USP6NL: variants seen among roughly 807,000 people sequenced by gnomAD.
The protein encoded by USP6NL is USP6 N-terminal-like protein.
A neutral mutation model predicts 61.9 loss-of-function variants in USP6NL; 26 were observed. The observed-to-expected ratio is 0.42, with a 90% confidence interval of 0.31 to 0.58. USP6NL has a LOEUF of 0.58. Ranked by LOEUF, USP6NL falls within the 20% of genes least tolerant of loss-of-function variation. The probability of loss-of-function intolerance (pLI) is 0.16; values close to 1 mark genes in which losing one functional copy is unlikely to be tolerated. For synonymous variants in USP6NL, 432 were observed against 390.1 expected (o/e 1.11, Z -1.27); for missense variants, 1,114 against 1,034.3 (o/e 1.08, Z -1.06).
chr10:11,463,936 T>C lies in USP6NL; in HGVS notation c.1079-87A>G. 3 of 1,273,008 alleles carry C rather than the reference T, an allele frequency of 2.4e-6. No homozygotes were observed. Among genetic ancestry groups the C allele is most frequent in the Non-Finnish European group, 3.2e-6 (3 of 938,238 alleles). 78.9% of individuals were successfully genotyped at this position (1,273,008 alleles called of 1,614,324 possible). On this transcript the variant is annotated intron_variant, in intron 14 of 14. Transcript: ENST00000609104. The surrounding 1 kb of genome is among the most constrained non-coding windows in gnomAD (Gnocchi z 6.3). ...AATCCATTAGTAACAATGGCATGCT[T>C]TTCATCTGTGCACAGATACACGCTG...
At chr10:11,531,231 A>C (rs1448717525) in intron 2 of USP6NL, among the ~76,000 whole-genome samples, 2 of 152,244 alleles carry the variant, frequency 1.3e-5, no homozygotes, top group African/African-American at 4.8e-5. Flanking sequence ...TTAAAGAGTA[A>C]TCAGTGTTAA....
At position 11,462,529 on chromosome 10, in the gene USP6NL, G is replaced by C. The variant is rs372926533; in HGVS notation, c.2399C>G (p.Ser800Cys). 359 of 1,614,046 alleles carry C rather than the reference G, an allele frequency of 2.2e-4. 2 individuals are homozygous for C. The highest frequency in any genetic ancestry group is 2.0e-3 in the South Asian group (180 of 91,088). ...ASPAAEDASP[S>C]GYPYSGPPPP... ...CGGGGGCCCTGAATATGGATATCCA[G>C]ATGGACTGGCATCTTCTGCGGCCGG... The change falls in exon 15 of 15, where the codon TCT becomes TGT. Residue 800 changes from serine to cysteine, a missense_variant. Coordinates refer to ENST00000609104, the MANE Select transcript of USP6NL (RefSeq NM_014688.5).
intron 2 of USP6NL, among the ~76,000 whole-genome samples, chr10:11,555,877 C>T (rs756382797): frequency 4.6e-5 from 7 of 152,108 alleles, no homozygotes; most frequent in Non-Finnish European, 8.8e-5. Flanking sequence ...GCTAAAATAA[C>T]CAGCATCTTA....
At chr10:11,480,056 C>A (rs1833134360) in intron 14 of USP6NL, among the ~76,000 whole-genome samples, 1 of 152,176 alleles carries the variant, frequency 6.6e-6, no homozygotes, top group Non-Finnish European at 1.5e-5. Context: ...CCTTCACTGC[C>A]AGTATGATCA....
rs1216756581 is a variant in USP6NL, at chr10:11,496,620, A to G, written c.385-3392T>C. ...TAAAATTTAACCATGTTTAATATAA[A>G]TAAGAATTTATATACATATGTTATA... On this transcript the variant is annotated intron_variant, in intron 7 of 14. Transcript: ENST00000609104. The surrounding 1 kb of genome is among the most constrained non-coding windows in gnomAD (Gnocchi z 5.4). Among the ~76,000 whole-genome samples the G allele has an allele frequency of 6.6e-6, 1 of 152,196 alleles. No homozygotes were observed. Among genetic ancestry groups the G allele is most frequent in the Non-Finnish European group, 1.5e-5 (1 of 68,030 alleles).
chr10:11,471,564 T>C (rs1271098952), intron 14 of USP6NL, among the ~76,000 whole-genome samples: 1 of 152,136 alleles, frequency 6.6e-6, no homozygotes, highest in Non-Finnish European at 1.5e-5. Context: ...TAGCAAAGAC[T>C]TGGAACTAAC....
intron 1 of USP6NL, among the ~76,000 whole-genome samples, chr10:11,605,102 G>A (rs995401822): frequency 6.6e-6 from 1 of 152,140 alleles, no homozygotes; most frequent in African/African-American, 2.4e-5. Flanking sequence ...TAACAAGACA[G>A]TGTGAAATTA....
intron 14 of USP6NL, among the ~76,000 whole-genome samples, chr10:11,464,759 C>A (rs932064697): frequency 1.3e-5 from 2 of 152,196 alleles, no homozygotes; most frequent in African/African-American, 4.8e-5. Flanking sequence ...TGTTCTTATA[C>A]CTTTTGGTAA....
chr10:11,483,487 G>C (rs1270079155), intron 13 of USP6NL, among the ~76,000 whole-genome samples: 1 of 124,810 alleles, frequency 8.0e-6, no homozygotes, highest in Non-Finnish European at 1.7e-5. Flanking sequence ...AGAAAGTGGG[G>C]GGGGAGGGGA....
chr10:11,588,965 T>C (rs1270489192), intron 2 of USP6NL, among the ~76,000 whole-genome samples: 28 of 152,140 alleles, frequency 1.8e-4, no homozygotes, highest in Admixed American at 1.8e-3. Context: ...ATACCAAAAG[T>C]ACAAAGTTTC....
At position 11,587,382 on chromosome 10, in the gene USP6NL, T is replaced by C. The variant is rs1345947453; in HGVS notation, c.4+10249A>G. 2.0e-5 allele frequency among the ~76,000 whole-genome samples: 3 copies of C among 152,176 alleles called. No homozygotes were observed. The South Asian group carries it at 6.2e-4, about 31-fold the overall frequency. On this transcript the variant is annotated intron_variant, in intron 2 of 14. Coordinates refer to ENST00000609104, the MANE Select transcript of USP6NL (RefSeq NM_014688.5). The surrounding 1 kb of genome is among the most constrained non-coding windows in gnomAD (Gnocchi z 4.5). ...TTCCTATCCTTTGCAATATTCCAAG[T>C]TAATCTTCTAGCTTTCACTATCCCT...
Position 11,481,907 on chromosome 10 carries a change from A to C in USP6NL, c.941T>G (p.Leu314Trp). 6.2e-7 allele frequency: 1 copy of C among 1,608,540 alleles called. No individual in the cohort carries two copies. The highest frequency in any genetic ancestry group is 8.5e-7 in the Non-Finnish European group (1 of 1,177,830). Residue 314 changes from leucine (L) to tryptophan (W), a missense_variant, in exon 14 of 15, where the codon TTG becomes TGG. Physicochemically the swap from Leu to Trp is moderately conservative, Grantham distance 61 (BLOSUM62 -2). Transcript: ENST00000609104. This position sits in a 1 kb window ranked among gnomAD's most constrained non-coding sequence, Gnocchi z 4.4. ...AAATTCTACAAGTTCTTCCATGGAC[A>C]ATTTCATTAGATGTTCTAAGAAAGG... The part of the protein sequence containing the change: ...LKLHKKHLMK[L>W]SMEELVEFFQ...
chr10:11,573,832 T>C (rs1837445601), intron 2 of USP6NL: 1 of 393,802 alleles, frequency 2.5e-6, no homozygotes, highest in African/African-American at 2.1e-5. Context: ...ATGAAGGCTC[T>C]GAAGCAGTTA....
intron 6 of USP6NL, among the ~76,000 whole-genome samples, chr10:11,507,290 G>C (rs1376426596): frequency 1.3e-5 from 2 of 152,204 alleles, no homozygotes; most frequent in Non-Finnish European, 2.9e-5. Flanking sequence ...ATTACCACTT[G>C]AGCAATCTTT....
intron 2 of USP6NL, among the ~76,000 whole-genome samples, chr10:11,534,039 C>CA (rs1335437030): frequency 1.1e-4 from 17 of 152,058 alleles, no homozygotes; most frequent in Non-Finnish European, 8.8e-5. Context: ...AGAATCCCCC[C>CA]ACTCTCCATG....
rs2133534823 is a variant in USP6NL, at chr10:11,561,679, T to A, written c.5-34112A>T. ...ATTGTAAACAATGCTACAGTGAGGA[T>A]CTTTGTGCATGTTATCTTTTGCGCA... On this transcript the variant is annotated intron_variant, in intron 2 of 14. Coordinates refer to ENST00000609104, the MANE Select transcript of USP6NL (RefSeq NM_014688.5). The surrounding 1 kb of genome is among the most constrained non-coding windows in gnomAD (Gnocchi z 4.1). 6.6e-6 allele frequency among the ~76,000 whole-genome samples: 1 copy of A among 152,348 alleles called. No homozygotes were observed. The highest frequency in any genetic ancestry group is 6.5e-5 in the Admixed American group (1 of 15,308).
chr10:11,532,363 T>A lies in USP6NL; in HGVS notation c.5-4796A>T. On this transcript the variant is annotated intron_variant, in intron 2 of 14. Coordinates refer to ENST00000609104, the MANE Select transcript of USP6NL (RefSeq NM_014688.5). This position sits in a 1 kb window ranked among gnomAD's most constrained non-coding sequence, Gnocchi z 4.1. ...AAGAAAGGCAGAGGCAGCTCTACTT[T>A]AAACTATCTGTGAAACAAGCACAAG... 1.5e-6 allele frequency: 1 copy of A among 659,212 alleles called. No individual in the cohort carries two copies. The highest frequency in any genetic ancestry group is 2.4e-6 in the Non-Finnish European group (1 of 414,052). The allele number at this position is 659,212 out of a possible 1,614,324, so 40.8% of individuals were successfully genotyped here. A position where few individuals can be genotyped will look rare whatever the true frequency, so the allele number is the denominator to read the frequency against.
chr10:11,572,575 T>C (rs1046578460), intron 2 of USP6NL, among the ~76,000 whole-genome samples: 4 of 152,120 alleles, frequency 2.6e-5, no homozygotes, highest in African/African-American at 7.2e-5. Flanking sequence ...TCACAATTCA[T>C]ACTATCATGC....
Position 11,470,544 on chromosome 10 carries a change from C to A in USP6NL, c.1079-6695G>T, listed in dbSNP as rs76812155. Among the ~76,000 whole-genome samples, 3,890 of 152,292 alleles carry A rather than the reference C, an allele frequency of 0.026. 66 individuals carry two copies. The highest frequency in any genetic ancestry group is 0.038 in the Non-Finnish European group (2,613 of 68,022). On this transcript the variant is annotated intron_variant, in intron 14 of 14. Transcript: ENST00000609104. This position sits in a 1 kb window ranked among gnomAD's most constrained non-coding sequence, Gnocchi z 5.4. Reference sequence around the variant, plus strand: ...TATATGCCAATTAGTATTCTCTACCCTTCTTCACAGAAGTAGGTCCAAATA... The same window carrying A: ...TATATGCCAATTAGTATTCTCTACCATTCTTCACAGAAGTAGGTCCAAATA...
Sources: gnomAD v4.1 joint callset for allele counts (sites outside exome capture counted in the v4.1 genomes callset) on GRCh38, gnomAD v4.1.1 for gene constraint, Gnocchi (gnomAD v3.1) non-coding constraint, MANE v1.5 for transcripts, NCBI Gene and HGNC (gene_info 2026-07-23, HGNC 2026-07-21) for gene names.